TMEM14B: variants seen among roughly 807,000 people sequenced by gnomAD.
TMEM14B encodes transmembrane protein 14B.
In TMEM14B, 9 loss-of-function variants were observed where a neutral mutation model predicts 14.8. The ratio of observed to expected loss-of-function variants is 0.61; its 90% CI spans 0.37 to 1.06. TMEM14B has a LOEUF of 1.06. Ranked by LOEUF, TMEM14B falls within the 50% of genes least tolerant of loss-of-function variation. The probability of loss-of-function intolerance (pLI) is 0.01; values close to 1 mark genes in which losing one functional copy is unlikely to be tolerated. For missense variants in TMEM14B, 128 were observed against 143.6 expected (o/e 0.89, Z 0.56); for synonymous variants, 40 against 51.3 (o/e 0.78, Z 0.94).
chr6:10,755,194 T>C lies in TMEM14B; in HGVS notation c.255T>C (p.Tyr85=), dbSNP rs1771757432. The C allele has an allele frequency of 3.1e-6, 5 of 1,614,172 alleles. No homozygotes were observed. The highest frequency in any genetic ancestry group is 1.3e-5 in the African/African-American group (1 of 75,042). Residue 85 remains tyrosine, a synonymous_variant, in exon 5 of 6, where the codon TAT becomes TAC. Coordinates refer to ENST00000379542, the MANE Select transcript of TMEM14B (RefSeq NM_030969.5). ...TTATGGGAATGAGATCCTACTACTA[T>C]GGAAAATTCATGCCTGTAGGTTTAA... The part of the protein sequence containing the change: ...VGVMGMRSYY[Y]GKFMPVGLIA...
rs772751048 is a variant in TMEM14B at position 10,748,361 on chromosome 6, T to C, written c.-45+480T>C. ...CCTGGGCTCAAGCCATCCTCCCACC[T>C]CAGCCTCCCAAGTAGCTGGGATTAC... On this transcript the variant is annotated intron_variant, in intron 1 of 5. Transcript: ENST00000379542. Among the ~76,000 whole-genome samples the C allele has an allele frequency of 8.5e-5, 13 of 152,182 alleles. No homozygotes were observed. The South Asian group carries it at 2.1e-3, about 24-fold the overall frequency.
At chr6:10,757,821 T>C (rs1427514897), downstream of TMEM14B, among the ~76,000 whole-genome samples, 1 of 151,898 alleles carries the variant, frequency 6.6e-6, no homozygotes, top group East Asian at 2.0e-4. Context: ...TGAAACCCTG[T>C]CTCTACTAAA....
At chr6:10,748,039 T>C (rs1771397406) in intron 1 of TMEM14B, among the ~76,000 whole-genome samples, 158 bp downstream of exon 1, 1 of 152,200 alleles carries the variant, frequency 6.6e-6, no homozygotes, top group South Asian at 2.1e-4. Flanking sequence ...TATTTTCTGC[T>C]TGTCTTAAAA....
downstream of TMEM14B, among the ~76,000 whole-genome samples, chr6:10,757,762 G>T (rs537828356): frequency 1.4e-4 from 21 of 152,248 alleles, no homozygotes; most frequent in African/African-American, 5.1e-4. Context: ...AGGCCGAGAT[G>T]GGTGGATCAC....
At chr6:10,755,489 T>G in intron 5 of TMEM14B, 1 of 1,421,746 alleles carries the variant, frequency 7.0e-7, no homozygotes, top group South Asian at 1.6e-5. Flanking sequence ...GAAGTTTTAT[T>G]GCAAAGCTAT....
downstream of TMEM14B, among the ~76,000 whole-genome samples, chr6:10,758,296 C>G (rs1771872806): frequency 6.6e-6 from 1 of 152,142 alleles, no homozygotes; most frequent in Non-Finnish European, 1.5e-5. Flanking sequence ...TTTTTGCCAC[C>G]TTCAGTCCTA....
intron 4 of TMEM14B, among the ~76,000 whole-genome samples, chr6:10,754,377 T>G (rs1343782015): frequency 1.3e-5 from 2 of 152,172 alleles, no homozygotes; most frequent in African/African-American, 4.8e-5. Flanking sequence ...GCATCTTGAC[T>G]TCTGTGCCAC....
In TMEM14B at chr6:10,756,697, G is replaced by A. The variant is rs1009393723; in HGVS notation, c.*179G>A. The stretch of plus-strand genomic sequence containing the variant: ...CAGTTGTTACCATTATAACCCTACA[G>A]AGGTGGTGAGCATGTAACATGAGCT... On this transcript the variant is annotated 3_prime_UTR_variant, in exon 6 of 6. Coordinates refer to ENST00000379542, the MANE Select transcript of TMEM14B (RefSeq NM_030969.5). 123 of 1,357,472 alleles carry A rather than the reference G, an allele frequency of 9.1e-5. No homozygotes were observed. The highest frequency in any genetic ancestry group is 1.6e-4 in the Admixed American group (5 of 30,518). The allele number at this position is 1,357,472 out of a possible 1,614,324, so 84.1% of individuals were successfully genotyped here. A position where few individuals can be genotyped will look rare whatever the true frequency, so the allele number is the denominator to read the frequency against.
chr6:10,756,375 T>G, intron 5 of TMEM14B, 92 bp from the exon 6 acceptor site: 1 of 1,452,602 alleles, frequency 6.9e-7, no homozygotes. Flanking sequence ...CCCCACACAG[T>G]TGTGAGGAAC....
chr6:10,757,636 G>A (rs1771853780), downstream of TMEM14B, among the ~76,000 whole-genome samples: 1 of 152,128 alleles, frequency 6.6e-6, no homozygotes, highest in Admixed American at 6.5e-5. Flanking sequence ...CTTTATTCAT[G>A]TTTCAACATG....
chr6:10,754,200 G>A (rs1462928568), intron 4 of TMEM14B, among the ~76,000 whole-genome samples: 2 of 152,154 alleles, frequency 1.3e-5, no homozygotes, highest in African/African-American at 2.4e-5. Flanking sequence ...AGCGTGTGTT[G>A]CAGAGTGAGA....
At chr6:10,751,807 A>G (rs1260238012) in intron 4 of TMEM14B, among the ~76,000 whole-genome samples, 1 of 152,126 alleles carries the variant, frequency 6.6e-6, no homozygotes, top group Non-Finnish European at 1.5e-5. Flanking sequence ...AGACATGAGC[A>G]TAGAAGCAGG....
At position 10,756,397 on chromosome 6, in the gene TMEM14B, A is replaced by G. The variant is rs1771801589; in HGVS notation, c.294-70A>G. 1.9e-6 allele frequency: 3 copies of G among 1,562,002 alleles called. No homozygotes were observed. In the Admixed American group the frequency reaches 5.2e-5, roughly 27 times the overall value. ...CAGTTGTGAGGAACCTGCAGAGTTT[A>G]GTTCCTTAAAAACATAGTTGCCTGT... On this transcript the variant is annotated intron_variant, in intron 5 of 5. Coordinates refer to ENST00000379542, the MANE Select transcript of TMEM14B (RefSeq NM_030969.5).
upstream of TMEM14B, chr6:10,747,799 G>C (rs779813691): frequency 6.6e-6 from 1 of 152,596 alleles, no homozygotes; most frequent in Admixed American, 6.5e-5. Flanking sequence ...GGCGCAGCGC[G>C]CACGCAATCG....
intron 3 of TMEM14B, among the ~76,000 whole-genome samples, chr6:10,750,860 T>C (rs554972298): frequency 3.3e-5 from 5 of 152,078 alleles, no homozygotes; most frequent in Admixed American, 3.3e-4. Context: ...GGCCTAGTCA[T>C]AGTTCTGTCT....
At chr6:10,753,252 T>C (rs1771661727) in intron 4 of TMEM14B, among the ~76,000 whole-genome samples, 1 of 151,990 alleles carries the variant, frequency 6.6e-6, no homozygotes, top group Non-Finnish European at 1.5e-5. Flanking sequence ...ATAAAGATCA[T>C]TTATGCCTCC....
intron 3 of TMEM14B, chr6:10,750,062 C>T: frequency 3.6e-6 from 1 of 275,562 alleles, no homozygotes; most frequent in South Asian, 4.4e-5. Flanking sequence ...GAAGTTTCCT[C>T]ATTAGGCCAG....
chr6:10,752,447 A>G lies in TMEM14B; in HGVS notation c.202+1213A>G, dbSNP rs1355056098. On this transcript the variant is annotated intron_variant, in intron 4 of 5. Transcript: ENST00000379542. ...GTGCTTGTCTCCTTCCCCTTCATAA[A>G]CTACCTTTTTTTTTTTTTTTTTTTT... Among the ~76,000 whole-genome samples the G allele has an allele frequency of 6.4e-5, 9 of 141,646 alleles. 1 individual carries two copies. The highest frequency in any genetic ancestry group is 2.4e-4 in the African/African-American group (9 of 38,258). 92.9% of individuals were successfully genotyped at this position (141,646 alleles called of 152,430 possible). A position where few individuals can be genotyped will look rare whatever the true frequency, so the allele number is the denominator to read the frequency against.
rs762946624 is a variant in TMEM14B, at chr6:10,751,192, T to C, written c.160T>C (p.Tyr54His). The change falls in exon 4 of 6, where the codon TAC (tyrosine) becomes CAC (histidine). Residue 54 changes from tyrosine to histidine, a missense_variant. Transcript: ENST00000379542. Reference protein sequence around the residue: ...LFGSLAGLGAYQLYQDPRNVW... With the variant: ...LFGSLAGLGAHQLYQDPRNVW... ...CGGCAGTCTAGCCGGCCTGGGTGCT[T>C]ACCAGCTGTATCAGGATCCAAGGAA... 4 of 1,614,000 alleles carry C rather than the reference T, an allele frequency of 2.5e-6. No individual in the cohort carries two copies. In the South Asian group the frequency reaches 4.4e-5, roughly 18 times the overall value.
Sources: allele counts gnomAD v4.1 joint callset (sites outside exome capture counted in the v4.1 genomes callset), GRCh38; gene constraint gnomAD v4.1.1; transcripts MANE v1.5; gene names NCBI Gene and HGNC (gene_info 2026-07-23, HGNC 2026-07-21).